Variants in LRP4 observed in about 807,000 individuals in gnomAD.
The protein encoded by LRP4 is low-density lipoprotein receptor-related protein 4.
Under a neutral mutation model 220.3 loss-of-function variants are expected in LRP4, and 95 were observed. That is an observed-to-expected ratio of 0.43 (90% CI 0.37 to 0.51). The LOEUF is 0.51. Ranked by LOEUF, LRP4 falls within the 20% of genes least tolerant of loss-of-function variation. LRP4 has a pLI of 0.00. For missense variants in LRP4, 1,925 were observed against 2,567.0 expected, an observed-to-expected ratio of 0.75 and a Z score of 5.40; for synonymous variants, 903 against 954.6, an observed-to-expected ratio of 0.95 and a Z score of 1.00.
At chr11:46,916,940 C>A (rs1247288907) in intron 1 of LRP4, among the ~76,000 whole-genome samples, 1 of 152,190 alleles carries the variant, frequency 6.6e-6, no homozygotes, top group Non-Finnish European at 1.5e-5. Context: ...CAGGAGAGAG[C>A]CGGGGAGGGG....
chr11:46,893,181 G>C, intron 12 of LRP4, 52 bp from the exon 13 acceptor site: 1 of 1,609,016 alleles, frequency 6.2e-7, no homozygotes, highest in Non-Finnish European at 8.5e-7. Context: ...AGGCCCCCAT[G>C]TCCCATAGTA....
chr11:46,876,664 G>C (rs1264150043), intron 24 of LRP4, 27 bp from the exon 25 acceptor site: 4 of 1,614,056 alleles, frequency 2.5e-6, no homozygotes, highest in Non-Finnish European at 3.4e-6. Context: ...GAGCACACTG[G>C]CTCCTATTTT....
chr11:46,909,690 C>T (rs1297231632), intron 1 of LRP4, among the ~76,000 whole-genome samples: 1 of 145,504 alleles, frequency 6.9e-6, no homozygotes, highest in Non-Finnish European at 1.5e-5. Flanking sequence ...TAGCATATGC[C>T]TCTCTCCTTT....
chr11:46,869,209 C>T lies in LRP4; in HGVS notation c.4693-77G>A, dbSNP rs181569888. On this transcript the variant is annotated intron_variant, in intron 31 of 37. Transcript: ENST00000378623. ...TCCTTCCTGTACAGCTTCTGTGCCT[C>T]ACCATGTGCCACTGCCTCTGCTGAA... 1.0e-5 allele frequency: 14 copies of T among 1,354,630 alleles called. 1 individual carries two copies. The Middle Eastern group carries it at 5.7e-4, about 55-fold the overall frequency. The allele number at this position is 1,354,630 out of a possible 1,614,324, so 83.9% of individuals were successfully genotyped here.
intron 32 of LRP4, 58 bp from the exon 33 acceptor site, chr11:46,868,771 G>C: frequency 7.1e-7 from 1 of 1,400,180 alleles, no homozygotes; most frequent in Non-Finnish European, 1.0e-6. Context: ...CCCAATTTAA[G>C]GCTTCTCAAA....
At chr11:46,884,961 C>A (rs1306056986) in intron 18 of LRP4, among the ~76,000 whole-genome samples, 1 of 151,924 alleles carries the variant, frequency 6.6e-6, no homozygotes, top group Non-Finnish European at 1.5e-5. Context: ...GCTCACTAAC[C>A]CCCAAAGATT....
At chr11:46,915,815 A>G (rs1416921507) in intron 1 of LRP4, among the ~76,000 whole-genome samples, 2 of 152,274 alleles carry the variant, frequency 1.3e-5, no homozygotes, top group African/African-American at 4.8e-5. Flanking sequence ...AAATCACCTT[A>G]AACTTTAGTG....
intron 8 of LRP4, 60 bp downstream of exon 8, chr11:46,896,809 T>A (rs1941541851): frequency 1.2e-6 from 2 of 1,612,282 alleles, no homozygotes; most frequent in Admixed American, 3.3e-5. Context: ...AGCACCCTCT[T>A]TTCCACCCTT....
intron 37 of LRP4, among the ~76,000 whole-genome samples, chr11:46,861,335 G>T (rs1444819860): frequency 1.3e-5 from 2 of 151,986 alleles, no homozygotes; most frequent in African/African-American, 4.8e-5. Context: ...TATTACACAT[G>T]AGAGCCCTGC....
chr11:46,876,039 G>C, intron 25 of LRP4, 73 bp from the exon 26 acceptor site: 2 of 1,515,004 alleles, frequency 1.3e-6, no homozygotes, highest in South Asian at 2.3e-5. Context: ...ATACTTAACA[G>C]TATGTCAGAT....
chr11:46,903,018 G>GT, intron 1 of LRP4, 89 bp from the exon 2 acceptor site: 1 of 1,519,924 alleles, frequency 6.6e-7, no homozygotes, highest in Non-Finnish European at 9.1e-7. Context: ...CCTAGTCCAG[G>GT]GGCACTGTCA....
intron 16 of LRP4, among the ~76,000 whole-genome samples, chr11:46,887,224 TG>T (rs1941315137): frequency 6.6e-6 from 1 of 152,216 alleles, no homozygotes; most frequent in Admixed American, 6.5e-5. Flanking sequence ...GCCTTTCCTC[TG>T]GTCAGTCTGA....
At chr11:46,869,316 T>A (rs1209174079) in intron 31 of LRP4, among the ~76,000 whole-genome samples, 184 bp from the exon 32 acceptor site, 2 of 152,196 alleles carry the variant, frequency 1.3e-5, no homozygotes, top group Non-Finnish European at 2.9e-5. Flanking sequence ...CCATATAGAC[T>A]TCACCATTCT....
At position 46,857,284 on chromosome 11, in the gene LRP4, G is replaced by A. The variant is rs1940403660; in HGVS notation, c.*1699C>T. The A allele has an allele frequency of 1.3e-5, 2 of 152,234 alleles. No individual in the cohort carries two copies. Among genetic ancestry groups the A allele is most frequent in the Admixed American group, 1.3e-4 (2 of 15,282 alleles). 9.4% of individuals were successfully genotyped at this position (152,234 alleles called of 1,614,324 possible). On this transcript the variant is annotated 3_prime_UTR_variant, in exon 38 of 38. Coordinates refer to ENST00000378623, the MANE Select transcript of LRP4 (RefSeq NM_002334.4). ...TACTGAGAGCAAGGCTAAGGGCCTG[G>A]TATCTCTCTCTAGCAGTCTTAGAAC...
Position 46,874,789 on chromosome 11 carries a change from G to A in LRP4, c.4229+11C>T, listed in dbSNP as rs780946672. 5.0e-6 allele frequency: 8 copies of A among 1,612,734 alleles called. No homozygotes were observed. In the South Asian group the frequency reaches 8.8e-5, roughly 18 times the overall value. ...ATCTGTGTCTTCTGGAGGTTTCAGT[G>A]TTGCTCATACCTGATAACATCCAGG... On this transcript the variant is annotated intron_variant, in intron 28 of 37. Coordinates refer to ENST00000378623, the MANE Select transcript of LRP4 (RefSeq NM_002334.4).
At chr11:46,913,459 G>A (rs1941898368) in intron 1 of LRP4, among the ~76,000 whole-genome samples, 1 of 152,116 alleles carries the variant, frequency 6.6e-6, no homozygotes, top group African/African-American at 2.4e-5. Flanking sequence ...TAGGGGTTGG[G>A]GGCTATTCGG....
intron 37 of LRP4, chr11:46,860,990 G>T: frequency 2.0e-6 from 2 of 983,158 alleles, no homozygotes; most frequent in Non-Finnish European, 2.4e-6. Context: ...TGAAAGAGCT[G>T]CTGAGGAAGA....
At chr11:46,894,503 G>C in intron 12 of LRP4, 86 bp downstream of exon 12, 1 of 1,027,326 alleles carries the variant, frequency 9.7e-7, no homozygotes. Flanking sequence ...TGCTGCCTAA[G>C]GTTTGCAAAC....
intron 37 of LRP4, 26 bp downstream of exon 37, chr11:46,862,580 C>G (rs1673143729): frequency 6.2e-7 from 1 of 1,613,660 alleles, no homozygotes; most frequent in Non-Finnish European, 8.5e-7. Flanking sequence ...CCAAAAAGAC[C>G]CTTGAATATA....
Sources: allele counts gnomAD v4.1 joint callset (sites outside exome capture counted in the v4.1 genomes callset), GRCh38; gene constraint gnomAD v4.1.1; transcripts MANE v1.5; gene names NCBI Gene and HGNC (gene_info 2026-07-23, HGNC 2026-07-21).